Variants in PTPRF observed in about 807,000 individuals in gnomAD.
PTPRF encodes the protein receptor-type tyrosine-protein phosphatase F.
Under a neutral mutation model 201.8 loss-of-function variants are expected in PTPRF, and 59 were observed. The observed-to-expected ratio is 0.29, with a 90% CI of 0.24 to 0.36. PTPRF has a LOEUF of 0.36. PTPRF is among the 10% of genes least tolerant of loss of function. PTPRF has a pLI of 1.00. For synonymous variants in PTPRF, 1,088 were observed against 1,089.7 expected (o/e 1.00, Z 0.03); for missense variants, 2,132 against 2,690.5 (o/e 0.79, Z 4.59).
chr1:43,604,861 C>T (rs751343378), intron 16 of PTPRF, 42 bp from the exon 17 acceptor site: 14 of 1,564,830 alleles, frequency 8.9e-6, no homozygotes, highest in South Asian at 3.3e-5. Context: ...TTCACCCCAC[C>T]TCATATACCC....
intron 7 of PTPRF, among the ~76,000 whole-genome samples, chr1:43,582,807 C>T (rs1026098288): frequency 4.6e-5 from 7 of 152,230 alleles, no homozygotes; most frequent in Admixed American, 3.9e-4. Flanking sequence ...CCTGCCCCGG[C>T]CCCACCCTCG....
Position 43,606,928 on chromosome 1 carries a change from C to T in PTPRF, c.3817C>T (p.Leu1273Phe). 1.9e-6 allele frequency: 3 copies of T among 1,614,160 alleles called. No individual in the cohort carries two copies. The highest frequency in any genetic ancestry group is 2.5e-6 in the Non-Finnish European group (3 of 1,180,040). ...WVTGPVLAVILIILIVIAILL... is the reference protein window; with the variant it reads ...WVTGPVLAVIFIILIVIAILL... ...GACGGGTCCCGTGCTGGCAGTCATC[C>T]TCATCATCCTCATTGTCATCGCCAT... The change falls in exon 21 of 34, where the codon CTC becomes TTC. Residue 1273 changes from leucine to phenylalanine, a missense_variant. Leu to Phe is a conservative substitution (Grantham distance 22, BLOSUM62 0). This residue lies in a region of PTPRF where 818 missense variants were observed against 915.3 expected (regional missense o/e 0.89). Transcript: ENST00000359947.
intron 7 of PTPRF, among the ~76,000 whole-genome samples, chr1:43,586,829 A>G (rs1037830953): frequency 1.3e-5 from 2 of 152,164 alleles, no homozygotes; most frequent in Non-Finnish European, 1.5e-5. Context: ...CTCAGTAGAG[A>G]GAGAAGGTCG....
At position 43,579,479 on chromosome 1, in the gene PTPRF, C is replaced by T. The variant is rs989991587; in HGVS notation, c.679+559C>T. On this transcript the variant is annotated intron_variant, in intron 7 of 33. Transcript: ENST00000359947. Reference sequence around the variant, plus strand: ...GGAACCCTTGTGTTCAGCTGTGAGCCCCTGTGGTTATGTTGCCTCGGGTGA... The same window carrying T: ...GGAACCCTTGTGTTCAGCTGTGAGCTCCTGTGGTTATGTTGCCTCGGGTGA... 4.1e-5 allele frequency: 14 copies of T among 338,660 alleles called. No individual in the cohort carries two copies. In the Admixed American group the frequency reaches 4.9e-4, roughly 12 times the overall value. The allele number at this position is 338,660 out of a possible 1,614,324, so 21.0% of individuals were successfully genotyped here.
At position 43,606,572 on chromosome 1, in the gene PTPRF, G is replaced by C. The variant is rs1655173677; in HGVS notation, c.3702+114G>C. 1.3e-5 allele frequency: 15 copies of C among 1,179,816 alleles called. No homozygotes were observed. The South Asian group carries it at 1.8e-4, about 14-fold the overall frequency. 73.1% of individuals were successfully genotyped at this position (1,179,816 alleles called of 1,614,324 possible). A position where few individuals can be genotyped will look rare whatever the true frequency, so the allele number is the denominator to read the frequency against. Reference sequence around the variant, plus strand: ...GTCTTTATCAGTTTGGGGGCTTCGAGATCCTGGGGCAGCACTAAAGACCCA... The same window carrying C: ...GTCTTTATCAGTTTGGGGGCTTCGACATCCTGGGGCAGCACTAAAGACCCA... On this transcript the variant is annotated intron_variant, in intron 20 of 33. Transcript: ENST00000359947.
rs1338482908 is a variant in PTPRF at position 43,537,307 on chromosome 1, G to A, written c.-125-891G>A. ...CAGCGGAGGAGGCATCCAGGGGCAC[G>A]CCTTCATTTTAAAAATTATAGAGTA... On this transcript the variant is annotated intron_variant, in intron 1 of 33. Transcript: ENST00000359947. The surrounding 1 kb of genome is among the most constrained non-coding windows in gnomAD (Gnocchi z 4.8). 2.0e-5 allele frequency among the ~76,000 whole-genome samples: 3 copies of A among 152,202 alleles called. No homozygotes were observed. Among genetic ancestry groups the A allele is most frequent in the Middle Eastern group, 3.2e-3 (1 of 316 alleles).
chr1:43,598,723 C>T lies in PTPRF; in HGVS notation c.2123C>T (p.Pro708Leu), dbSNP rs759127729. Residue 708 changes from proline to leucine, a missense_variant, in exon 13 of 34, where the codon CCC becomes CTC. By Grantham distance (98) the Pro-to-Leu change is moderately conservative. Transcript: ENST00000359947. ...PVLVRTDEDVPSGPPRKVEVE... is the reference protein window; with the variant it reads ...PVLVRTDEDVLSGPPRKVEVE... ...CCTTCTCTACCTGACCCCCCAGTGC[C>T]CAGCGGGCCTCCGCGGAAGGTGGAG... The T allele has an allele frequency of 6.2e-7, 1 of 1,612,724 alleles. No individual in the cohort carries two copies. The highest frequency in any genetic ancestry group is 8.5e-7 in the Non-Finnish European group (1 of 1,178,986).
upstream of PTPRF, among the ~76,000 whole-genome samples, chr1:43,526,580 G>T (rs959596650): frequency 9.2e-5 from 14 of 152,290 alleles, no homozygotes; most frequent in South Asian, 2.9e-3. Context: ...GAATACCACT[G>T]TGTCTTGGGG....
At chr1:43,529,566 G>C (rs1468382534), upstream of PTPRF, among the ~76,000 whole-genome samples, 4 of 152,050 alleles carry the variant, frequency 2.6e-5, no homozygotes, top group Non-Finnish European at 5.9e-5. Flanking sequence ...TTTCTGCTCA[G>C]TTACCTGACC....
chr1:43,621,208 G>A lies in PTPRF; in HGVS notation c.5631G>A (p.Gln1877=). The stretch of plus-strand genomic sequence containing the variant: ...AGACCGTGAAGACCCTGCGTACACA[G>A]CGTCCTGCCATGGTGCAGACAGAGG... The part of the protein sequence containing the change: ...MFQTVKTLRT[Q]RPAMVQTEDQ... Residue 1877 remains glutamine (Q), a synonymous_variant, in exon 33 of 34, where the codon CAG becomes CAA. Transcript: ENST00000359947. The A allele has an allele frequency of 6.2e-7, 1 of 1,614,158 alleles. No homozygotes were observed. The highest frequency in any genetic ancestry group is 2.2e-5 in the East Asian group (1 of 44,882).
intron 2 of PTPRF, among the ~76,000 whole-genome samples, chr1:43,540,967 G>A (rs1021959911): frequency 6.6e-6 from 1 of 152,268 alleles, no homozygotes; most frequent in African/African-American, 2.4e-5. Flanking sequence ...CTGCTGCAGT[G>A]CCACGCGGTG....
At chr1:43,580,536 C>T (rs1647318899) in intron 7 of PTPRF, among the ~76,000 whole-genome samples, 1 of 152,196 alleles carries the variant, frequency 6.6e-6, no homozygotes, top group Admixed American at 6.5e-5. Context: ...GGCCTCAGGT[C>T]AGCTTGTCTG....
chr1:43,611,829 CTGAA>C (rs1656525296), intron 22 of PTPRF, among the ~76,000 whole-genome samples: 2 of 152,066 alleles, frequency 1.3e-5, no homozygotes, highest in Admixed American at 1.3e-4. Flanking sequence ...CAGTTGCTGG[CTGAA>C]TGAGCAGGGG....
At chr1:43,568,314 A>G (rs1402712364) in intron 5 of PTPRF, among the ~76,000 whole-genome samples, 1 of 151,786 alleles carries the variant, frequency 6.6e-6, no homozygotes, top group Non-Finnish European at 1.5e-5. Context: ...AAAAAAGAAA[A>G]AGAAAATTGG....
Position 43,603,068 on chromosome 1 carries a change from G to T in PTPRF, c.2341-348G>T, listed in dbSNP as rs1253486599. ...TGTGCGTGTGGCTGCCAAGAGCCACGCAAGGTGCTGGGTGCGTGCGAGGCT... is the reference window on the plus strand; with the variant it reads ...TGTGCGTGTGGCTGCCAAGAGCCACTCAAGGTGCTGGGTGCGTGCGAGGCT... On this transcript the variant is annotated intron_variant, in intron 14 of 33. Transcript: ENST00000359947. The surrounding 1 kb of genome is among the most constrained non-coding windows in gnomAD (Gnocchi z 5.8). Among the ~76,000 whole-genome samples the T allele has an allele frequency of 6.6e-6, 1 of 152,180 alleles. No individual in the cohort carries two copies. The highest frequency in any genetic ancestry group is 6.5e-5 in the Admixed American group (1 of 15,290).
intron 5 of PTPRF, among the ~76,000 whole-genome samples, chr1:43,559,398 G>T (rs1010275336): frequency 1.4e-4 from 21 of 152,258 alleles, no homozygotes; most frequent in African/African-American, 5.1e-4. Context: ...GTACCTTATG[G>T]GCTATGTATA....
intron 21 of PTPRF, among the ~76,000 whole-genome samples, chr1:43,608,780 A>G (rs1259739158): frequency 2.0e-5 from 3 of 152,190 alleles, no homozygotes; most frequent in Non-Finnish European, 4.4e-5. Context: ...TCCGAAGCAC[A>G]TGCGTCTGCA....
chr1:43,566,248 T>C (rs1646178050), intron 5 of PTPRF, among the ~76,000 whole-genome samples: 1 of 152,218 alleles, frequency 6.6e-6, no homozygotes, highest in Admixed American at 6.5e-5. Flanking sequence ...GATTTAGCTG[T>C]GTGACCTTGG....
At chr1:43,606,216 G>C (rs1248535838) in intron 19 of PTPRF, 24 bp from the exon 20 acceptor site, 1 of 1,600,764 alleles carries the variant, frequency 6.2e-7, no homozygotes, top group Non-Finnish European at 8.5e-7. Flanking sequence ...GGCCCCTCAT[G>C]ACCCCCATGC....
Sources: allele counts gnomAD v4.1 joint callset (sites outside exome capture counted in the v4.1 genomes callset), GRCh38; gene constraint gnomAD v4.1.1; regional missense constraint gnomAD v4.1.1; non-coding constraint Gnocchi (gnomAD v3.1); transcripts MANE v1.5; gene names NCBI Gene and HGNC (gene_info 2026-07-23, HGNC 2026-07-21).